MDGA2: variants seen among roughly 807,000 people sequenced by gnomAD.
The protein encoded by MDGA2 is MAM domain containing glycosylphosphatidylinositol anchor 2.
Under a neutral mutation model 117.8 loss-of-function variants are expected in MDGA2, and 40 were observed. The ratio of observed to expected loss-of-function variants is 0.34; its 90% confidence interval spans 0.26 to 0.44. The LOEUF is 0.44. MDGA2 is among the 20% of genes least tolerant of loss of function. MDGA2 has a pLI of 1.00. For synonymous variants in MDGA2, 452 were observed against 439.0 expected (o/e 1.03, Z -0.37); for missense variants, 1,123 against 1,250.6 (o/e 0.90, Z 1.54).
chr14:47,418,018 C>G (rs986197435), intron 1 of MDGA2, among the ~76,000 whole-genome samples: 15 of 151,958 alleles, frequency 9.9e-5, no homozygotes, highest in African/African-American at 3.6e-4. Flanking sequence ...TGGACGAGTA[C>G]AAATTTTCTA....
chr14:47,400,153 C>T (rs1357327308), intron 1 of MDGA2, among the ~76,000 whole-genome samples: 1 of 152,110 alleles, frequency 6.6e-6, no homozygotes, highest in African/African-American at 2.4e-5. Context: ...TATACTGCAG[C>T]ACGCATATTC....
intron 1 of MDGA2, among the ~76,000 whole-genome samples, chr14:47,460,149 TA>T (rs1893452363): frequency 6.6e-6 from 1 of 152,200 alleles, no homozygotes; most frequent in Admixed American, 6.5e-5. Flanking sequence ...AATTGACTCC[TA>T]AAAGATTTAA....
At chr14:47,120,541 G>A (rs552507451) in intron 5 of MDGA2, among the ~76,000 whole-genome samples, 2 of 152,124 alleles carry the variant, frequency 1.3e-5, no homozygotes, top group Non-Finnish European at 2.9e-5. Context: ...CAGAAGAGTA[G>A]CAAGAAGAGT....
intron 1 of MDGA2, among the ~76,000 whole-genome samples, chr14:47,394,989 CA>C (rs1306059353): frequency 1.3e-5 from 2 of 151,866 alleles, no homozygotes; most frequent in Admixed American, 6.6e-5. Context: ...CCCGTCTCTG[CA>C]AAAAAATTTT....
chr14:47,476,135 C>T (rs185530311), intron 1 of MDGA2, among the ~76,000 whole-genome samples: 1 of 152,156 alleles, frequency 6.6e-6, no homozygotes, highest in Non-Finnish European at 1.5e-5. Flanking sequence ...GGCAAAGATC[C>T]ATGAATATAA....
intron 1 of MDGA2, among the ~76,000 whole-genome samples, chr14:47,361,207 C>CTCTCTCTCTATA (rs61280975): frequency 7.1e-6 from 1 of 140,496 alleles, no homozygotes; most frequent in Non-Finnish European, 1.5e-5. Context: ...CTCTCTCTCT[C>CTCTCTCTCTATA]TATATATATA....
intron 1 of MDGA2, among the ~76,000 whole-genome samples, chr14:47,504,098 G>A (rs537280019): frequency 2.4e-4 from 36 of 152,184 alleles, no homozygotes; most frequent in African/African-American, 6.7e-4. Flanking sequence ...GTAATAAAAC[G>A]AATATATCTG....
chr14:47,328,195 A>G (rs949229613), intron 1 of MDGA2, among the ~76,000 whole-genome samples: 7 of 152,140 alleles, frequency 4.6e-5, no homozygotes, highest in Non-Finnish European at 7.4e-5. Flanking sequence ...TGAGCACTCC[A>G]TATCGGGCAG....
chr14:47,604,487 A>ACCCCCCC (rs60602833), intron 1 of MDGA2, among the ~76,000 whole-genome samples: 6 of 92,048 alleles, frequency 6.5e-5, no homozygotes, highest in African/African-American at 8.0e-5. Context: ...CAGCTTCCCC[A>ACCCCCCC]CCCCCCCCCA....
intron 6 of MDGA2, among the ~76,000 whole-genome samples, chr14:47,092,763 C>T (rs1243376755): frequency 1.3e-5 from 2 of 152,010 alleles, no homozygotes; most frequent in Admixed American, 1.3e-4. Context: ...ATGTGAGTCT[C>T]ACAGGGAAGG....
chr14:47,042,735 T>C (rs1889122918), intron 7 of MDGA2, among the ~76,000 whole-genome samples: 1 of 152,172 alleles, frequency 6.6e-6, no homozygotes, highest in African/African-American at 2.4e-5. Flanking sequence ...ATAAGTAAGA[T>C]AAGCCTCTGG....
chr14:46,880,453 C>G (rs954203471), intron 11 of MDGA2, among the ~76,000 whole-genome samples: 7 of 151,868 alleles, frequency 4.6e-5, no homozygotes, highest in Non-Finnish European at 5.9e-5. Flanking sequence ...TATTAAAATT[C>G]TAAAATGCAC....
intron 9 of MDGA2, among the ~76,000 whole-genome samples, chr14:46,929,599 GTGTATA>G (rs1165201173): frequency 0.025 from 376 of 15,172 alleles, no homozygotes; most frequent in Middle Eastern, 0.036. Flanking sequence ...GTGTGTGTGT[GTGTATA>G]TATATATATA....
At chr14:46,956,860 T>G (rs1885581530) in intron 9 of MDGA2, among the ~76,000 whole-genome samples, 1 of 152,112 alleles carries the variant, frequency 6.6e-6, no homozygotes, top group African/African-American at 2.4e-5. Flanking sequence ...GCTGTTCTCG[T>G]GATGGTGAGT....
downstream of MDGA2, among the ~76,000 whole-genome samples, chr14:46,839,916 G>A (rs1880539947): frequency 6.6e-6 from 1 of 151,848 alleles, no homozygotes; most frequent in Non-Finnish European, 1.5e-5. Context: ...ACTGCTTTCT[G>A]CATGTATTAC....
intron 1 of MDGA2, among the ~76,000 whole-genome samples, chr14:47,305,694 T>G (rs920692161): frequency 6.6e-6 from 1 of 152,182 alleles, no homozygotes; most frequent in Non-Finnish European, 1.5e-5. Flanking sequence ...GACTCTGTGC[T>G]GGGGATATGA....
intron 1 of MDGA2, among the ~76,000 whole-genome samples, chr14:47,416,435 T>C (rs1369144047): frequency 2.0e-5 from 3 of 152,206 alleles, no homozygotes; most frequent in East Asian, 3.9e-4. Context: ...ACATTGCTTG[T>C]AGTCCTGCCC....
chr14:47,672,540 T>C (rs1314734213), intron 1 of MDGA2, among the ~76,000 whole-genome samples: 3 of 152,188 alleles, frequency 2.0e-5, no homozygotes, highest in Non-Finnish European at 1.5e-5. Flanking sequence ...CTGATCCAGA[T>C]AGTTCCAGCA....
intron 1 of MDGA2, among the ~76,000 whole-genome samples, chr14:47,441,699 G>A (rs1893014969): frequency 6.6e-6 from 1 of 152,118 alleles, no homozygotes; most frequent in South Asian, 2.1e-4. Context: ...ACAACTAGCA[G>A]AGTATCACAA....
Sources: allele counts gnomAD v4.1 joint callset (sites outside exome capture counted in the v4.1 genomes callset), GRCh38; gene constraint gnomAD v4.1.1; transcripts MANE v1.5; gene names NCBI Gene and HGNC (gene_info 2026-07-23, HGNC 2026-07-21).